Variants in NRK observed in about 807,000 individuals in gnomAD.
NRK encodes the protein nik-related protein kinase.
Under a neutral mutation model 125.2 loss-of-function variants are expected in NRK, and 67 were observed. The ratio of observed to expected loss-of-function variants is 0.54; its 90% CI spans 0.44 to 0.66. NRK has a LOEUF of 0.66. Ranked by LOEUF, NRK falls within the 30% of genes least tolerant of loss-of-function variation. The pLI is 0.00. For missense variants in NRK, 1,224 were observed against 1,192.9 expected (o/e 1.03, Z -0.38); for synonymous variants, 458 against 429.0 (o/e 1.07, Z -0.84).
intron 4 of NRK, among the ~76,000 whole-genome samples, chrX:105,886,444 A>G (rs765652696): frequency 1.9e-5 from 2 of 104,581 alleles, no homozygotes; most frequent in Admixed American, 1.1e-4. Context: ...ATATACAGAT[A>G]ATTATATATA....
Position 105,822,844 on chromosome X carries a change from C to T in NRK, c.-2C>T. On this transcript the variant is annotated 5_prime_UTR_variant, in exon 1 of 29. Transcript: ENST00000243300. ...CCCGCTCCCGTTCGGCTCCTCGAAG[C>T]CATGGCGGGACCTGGGGGCTGGAGG... The T allele has an allele frequency of 6.8e-6, 8 of 1,170,828 alleles. No homozygotes were observed. Among genetic ancestry groups the T allele is most frequent in the Non-Finnish European group, 9.2e-6 (8 of 873,919 alleles).
At chrX:105,836,449 C>T (rs2039266318) in intron 2 of NRK, among the ~76,000 whole-genome samples, 1 of 111,813 alleles carries the variant, frequency 8.9e-6, no homozygotes, top group Non-Finnish European at 1.9e-5. Flanking sequence ...ACTTCATTTA[C>T]ACCAGAATGA....
intron 2 of NRK, among the ~76,000 whole-genome samples, chrX:105,838,995 G>T (rs2039298657): frequency 9.0e-6 from 1 of 111,151 alleles, no homozygotes; most frequent in Non-Finnish European, 1.9e-5. Context: ...TGAGATTTAT[G>T]TTTATTAGTT....
At chrX:105,826,246 A>G (rs2039099344) in intron 1 of NRK, among the ~76,000 whole-genome samples, 1 of 85,430 alleles carries the variant, frequency 1.2e-5, no homozygotes, top group South Asian at 5.2e-4. Context: ...TATATAATAT[A>G]TATGATAATA....
At chrX:105,892,061 C>A (rs1019422683) in intron 5 of NRK, among the ~76,000 whole-genome samples, 1 of 111,444 alleles carries the variant, frequency 9.0e-6, no homozygotes, top group African/African-American at 3.3e-5. Flanking sequence ...CAACATATAT[C>A]AATTGAAAAC....
intron 2 of NRK, among the ~76,000 whole-genome samples, chrX:105,857,785 C>G (rs1002249381): frequency 8.9e-6 from 1 of 111,866 alleles, no homozygotes; most frequent in African/African-American, 3.3e-5. Context: ...TTTCACAAAT[C>G]TTCTGTGTCT....
chrX:105,863,396 T>G (rs1213000793), intron 2 of NRK, among the ~76,000 whole-genome samples: 1 of 109,487 alleles, frequency 9.1e-6, no homozygotes, highest in Non-Finnish European at 1.9e-5. Context: ...AAGTTACCCA[T>G]TCCCATGTGT....
chrX:105,895,263 GT>G (rs1390673929), intron 6 of NRK, 169 bp from the exon 7 acceptor site: 1 of 536,353 alleles, frequency 1.9e-6, no homozygotes, highest in Non-Finnish European at 3.4e-6. Context: ...CTGGGAACGG[GT>G]TGTAGTGATT....
rs770525284 is a variant in NRK, at chrX:105,830,982, TA to T, written c.58-64del. 262 of 630,739 alleles carry T rather than the reference TA, an allele frequency of 4.2e-4. 4 individuals are homozygous for T. The African/African-American group carries it at 5.0e-3, about 12-fold the overall frequency. 52.0% of individuals were successfully genotyped at this position (630,739 alleles called of 1,213,427 possible). ...ACCCTAGAACTTAAAGTATATATAT[TA>T]AAAAAAAGATAGTTGAATGCTCACC... On this transcript the variant is annotated intron_variant, in intron 1 of 28. Transcript: ENST00000243300.
intron 28 of NRK, 29 bp from the exon 29 acceptor site, chrX:105,955,476 G>T: frequency 1.1e-6 from 1 of 906,794 alleles, no homozygotes; most frequent in Non-Finnish European, 1.6e-6. Context: ...TTAAATATCT[G>T]TTGACAGTGT....
At chrX:105,924,520 A>G (rs2040497346) in intron 18 of NRK, among the ~76,000 whole-genome samples, 175 bp from the exon 19 acceptor site, 1 of 111,854 alleles carries the variant, frequency 8.9e-6, no homozygotes, top group Admixed American at 9.5e-5. Context: ...TAAGACTGAG[A>G]AGACATAGGG....
intron 13 of NRK, among the ~76,000 whole-genome samples, chrX:105,910,409 A>T (rs1020272573): frequency 8.9e-6 from 1 of 112,550 alleles, no homozygotes; most frequent in Non-Finnish European, 1.9e-5. Flanking sequence ...AATATTTGGT[A>T]TATGGTTACC....
Position 105,906,468 on chromosome X carries a change from T to C in NRK, c.900T>C (p.Phe300=). ...MEKCTIKNFL[F]RPTSANMLQH... ...AGTGTACGATAAAAAATTTCCTGTT[T>C]CGTCCTACTTCTGCAAACATGCTTC... The change falls in exon 11 of 29, where the codon TTT becomes TTC. Residue 300 remains phenylalanine, a synonymous_variant. Transcript: ENST00000243300. The C allele has an allele frequency of 1.7e-6, 2 of 1,167,819 alleles. No homozygotes were observed. Among genetic ancestry groups the C allele is most frequent in the Non-Finnish European group, 1.2e-6 (1 of 865,663 alleles).
chrX:105,899,765 G>A (rs1260650847), intron 8 of NRK, among the ~76,000 whole-genome samples: 10 of 111,042 alleles, frequency 9.0e-5, no homozygotes, highest in Non-Finnish European at 1.7e-4. Flanking sequence ...TCAGGAGTTC[G>A]AGACCAACCT....
upstream of NRK, chrX:105,822,523 C>G (rs2039034257): frequency 3.2e-6 from 1 of 309,907 alleles, no homozygotes; most frequent in Non-Finnish European, 5.7e-6. Context: ...CTGAAAGAGG[C>G]GCACCCTGAC....
rs1274536479 is a variant in NRK at position 105,909,365 on chromosome X, C to A, written c.1724C>A (p.Ala575Glu). Residue 575 changes from alanine (A) to glutamate (E), a missense_variant, in exon 13 of 29, where the codon GCA (alanine) becomes GAA (glutamate). Ala to Glu is a moderately radical substitution (Grantham distance 107). Transcript: ENST00000243300. ...AAEPAQAETE[A>E]EEPESLRVNA... ...GAGCCTGCACAGGCAGAGACTGAGGCAGAGGAACCTGAGTCATTACGAGTA... is the reference window on the plus strand; with the variant it reads ...GAGCCTGCACAGGCAGAGACTGAGGAAGAGGAACCTGAGTCATTACGAGTA... 1.7e-6 allele frequency: 2 copies of A among 1,205,976 alleles called. No individual in the cohort carries two copies.
chrX:105,897,431 G>T (rs2040098865), intron 7 of NRK, among the ~76,000 whole-genome samples: 1 of 112,149 alleles, frequency 8.9e-6, no homozygotes, highest in Admixed American at 9.4e-5. Flanking sequence ...AGCCTGTAAG[G>T]TCATGAAAGA....
At position 105,909,760 on chromosome X, in the gene NRK, A is replaced by G; in HGVS notation, c.2119A>G (p.Lys707Glu). 1 of 1,183,426 alleles carries G rather than the reference A, an allele frequency of 8.5e-7. No individual in the cohort carries two copies. Among genetic ancestry groups the G allele is most frequent in the Non-Finnish European group, 1.1e-6 (1 of 880,755 alleles). ...KRLSPKRFRAKSSWRPEKLEL... is the reference protein window; with the variant it reads ...KRLSPKRFRAESSWRPEKLEL... Reference sequence around the variant, plus strand: ...ACTATCACCAAAGAGGTTCAGGGCAAAGTCATCATGGAGACCTGAAAAGCT... The same window carrying G: ...ACTATCACCAAAGAGGTTCAGGGCAGAGTCATCATGGAGACCTGAAAAGCT... Residue 707 changes from lysine to glutamate, a missense_variant, in exon 13 of 29, where the codon AAG (lysine) becomes GAG (glutamate). By Grantham distance (56) the Lys-to-Glu change is moderately conservative. Transcript: ENST00000243300.
intron 11 of NRK, among the ~76,000 whole-genome samples, 172 bp downstream of exon 11, chrX:105,906,761 T>TTGCGTGTG (rs1209823498): frequency 1.3e-5 from 1 of 78,767 alleles, no homozygotes; most frequent in Non-Finnish European, 2.4e-5. Context: ...TAATTTTCTC[T>TTGCGTGTG]TGCGTGTGTG....
Sources: allele counts gnomAD v4.1 joint callset (sites outside exome capture counted in the v4.1 genomes callset), GRCh38; gene constraint gnomAD v4.1.1; transcripts MANE v1.5; gene names NCBI Gene and HGNC (gene_info 2026-07-23, HGNC 2026-07-21).